ISL1: variants seen among roughly 807,000 people sequenced by gnomAD.
ISL1 encodes the protein insulin gene enhancer protein ISL-1.
A neutral mutation model predicts 35.3 loss-of-function variants in ISL1; 4 were observed. The observed-to-expected ratio is 0.11, with a 90% CI of 0.06 to 0.26. ISL1 has a LOEUF of 0.26. Among genes scored for constraint, ISL1 ranks in the 10% least tolerant of loss-of-function variants. The probability of loss-of-function intolerance (pLI) is 1.00; values close to 1 mark genes in which losing one functional copy is unlikely to be tolerated. For synonymous variants in ISL1, 186 were observed against 172.3 expected (o/e 1.08, Z -0.62); for missense variants, 340 against 472.8 (o/e 0.72, Z 2.60).
rs1209085343 is a variant in ISL1 at position 51,383,486 on chromosome 5, C to T, written c.-186C>T. The T allele has an allele frequency of 1.5e-6, 1 of 645,168 alleles. No homozygotes were observed. Among genetic ancestry groups the T allele is most frequent in the Non-Finnish European group, 2.8e-6 (1 of 357,460 alleles). The allele number at this position is 645,168 out of a possible 1,614,324, so 40.0% of individuals were successfully genotyped here. A position where few individuals can be genotyped will look rare whatever the true frequency, so the allele number is the denominator to read the frequency against. ...CCGCAGCGCCTCCGCTCCGCCAACT[C>T]CGCCGGCTTAAATTGGACTCCTAGA... On this transcript the variant is annotated 5_prime_UTR_variant, in exon 1 of 6. Coordinates refer to ENST00000230658, the MANE Select transcript of ISL1 (RefSeq NM_002202.3).
At chr5:51,391,541 G>C (rs1747515279) in intron 5 of ISL1, 100 bp downstream of exon 5, 4 of 1,395,980 alleles carry the variant, frequency 2.9e-6, no homozygotes, top group African/African-American at 2.8e-5. Context: ...GTGCCTTCTT[G>C]GGCTCAGGGT....
chr5:51,384,243 A>AG (rs60114688), intron 1 of ISL1, among the ~76,000 whole-genome samples: 10,281 of 115,894 alleles, frequency 0.089, 437 homozygotes, highest in African/African-American at 0.14. Flanking sequence ...GCAAAGAGGA[A>AG]GGGGGGGGGG....
At position 51,389,608 on chromosome 5, in the gene ISL1, C is replaced by A; in HGVS notation, c.479-38C>A. On this transcript the variant is annotated intron_variant, in intron 3 of 5. Coordinates refer to ENST00000230658, the MANE Select transcript of ISL1 (RefSeq NM_002202.3). This position sits in a 1 kb window ranked among gnomAD's most constrained non-coding sequence, Gnocchi z 5.0. ...GACCGCGGGCGGGCCGGCAAGCGAG[C>A]CTCCAGCCCAGCGCTCACGGCGCTC... is the stretch of plus-strand genomic sequence containing the variant. 1 of 1,514,752 alleles carries A rather than the reference C, an allele frequency of 6.6e-7. No individual in the cohort carries two copies. The highest frequency in any genetic ancestry group is 8.8e-7 in the Non-Finnish European group (1 of 1,135,188). 93.8% of individuals were successfully genotyped at this position (1,514,752 alleles called of 1,614,324 possible).
intron 2 of ISL1, chr5:51,386,601 A>T (rs1470252149): frequency 2.2e-6 from 1 of 456,110 alleles, no homozygotes; most frequent in Non-Finnish European, 4.4e-6. Context: ...TGCAGCCTAG[A>T]TGGAACCTAT....
At chr5:51,393,138 C>T (rs542462386) in intron 5 of ISL1, among the ~76,000 whole-genome samples, 1 of 152,158 alleles carries the variant, frequency 6.6e-6, no homozygotes, top group East Asian at 1.9e-4. Context: ...CTCACCTACT[C>T]CCAGGGCAAC....
chr5:51,388,707 C>T (rs1475293585), intron 3 of ISL1, among the ~76,000 whole-genome samples: 1 of 152,226 alleles, frequency 6.6e-6, no homozygotes, highest in Non-Finnish European at 1.5e-5. Context: ...CTATAGCCCT[C>T]CCTTACCCTT....
At chr5:51,384,246 G>GC (rs1459745993) in intron 1 of ISL1, among the ~76,000 whole-genome samples, 4 of 146,748 alleles carry the variant, frequency 2.7e-5, no homozygotes, top group Admixed American at 6.8e-5. Flanking sequence ...AAGAGGAAGG[G>GC]GGGGGGGAGA....
At chr5:51,385,421 T>C (rs565181704) in intron 2 of ISL1, among the ~76,000 whole-genome samples, 4 of 152,338 alleles carry the variant, frequency 2.6e-5, no homozygotes, top group Admixed American at 2.0e-4. Context: ...AAATTGCCCA[T>C]CATCTGTCTA....
rs375119815 is a variant in ISL1, at chr5:51,387,374, C to G, written c.219-116C>G. 8.2e-6 allele frequency: 9 copies of G among 1,096,048 alleles called. No individual in the cohort carries two copies. The highest frequency in any genetic ancestry group is 4.7e-5 in the African/African-American group (3 of 64,268). The allele number at this position is 1,096,048 out of a possible 1,614,324, so 67.9% of individuals were successfully genotyped here. A position where few individuals can be genotyped will look rare whatever the true frequency, so the allele number is the denominator to read the frequency against. On this transcript the variant is annotated intron_variant, in intron 2 of 5. Transcript: ENST00000230658. The surrounding 1 kb of genome is among the most constrained non-coding windows in gnomAD (Gnocchi z 4.3). ...AACTTCTGTTTGGAAATGCTGTTTACTTGGGGCGTCTTGCCCGGGATCTTG... is the reference window on the plus strand; with the variant it reads ...AACTTCTGTTTGGAAATGCTGTTTAGTTGGGGCGTCTTGCCCGGGATCTTG...
intron 5 of ISL1, among the ~76,000 whole-genome samples, chr5:51,392,550 G>C: frequency 6.6e-6 from 1 of 152,164 alleles, no homozygotes; most frequent in African/African-American, 2.4e-5. Flanking sequence ...TGGGTGCAGA[G>C]GCTAGAAGTC....
In ISL1 at chr5:51,387,150, A is replaced by C. The variant is rs1277656191; in HGVS notation, c.219-340A>C. ...GATTGATTGCTAGAGCAGCAGCCCGAGTTTGGAACCCATCAATACATTTTC... is the reference window on the plus strand; with the variant it reads ...GATTGATTGCTAGAGCAGCAGCCCGCGTTTGGAACCCATCAATACATTTTC... On this transcript the variant is annotated intron_variant, in intron 2 of 5. Transcript: ENST00000230658. This position sits in a 1 kb window ranked among gnomAD's most constrained non-coding sequence, Gnocchi z 4.3. Among the ~76,000 whole-genome samples, 1 of 152,044 alleles carries C rather than the reference A, an allele frequency of 6.6e-6. No homozygotes were observed. Among genetic ancestry groups the C allele is most frequent in the East Asian group, 1.9e-4 (1 of 5,158 alleles).
chr5:51,392,099 G>C (rs1291480696), intron 5 of ISL1, among the ~76,000 whole-genome samples: 3 of 152,142 alleles, frequency 2.0e-5, no homozygotes, highest in Non-Finnish European at 4.4e-5. Context: ...ATGTCATAGA[G>C]ACACACAGTG....
intron 3 of ISL1, among the ~76,000 whole-genome samples, chr5:51,388,462 C>T (rs1030039361): frequency 2.6e-5 from 4 of 152,066 alleles, no homozygotes; most frequent in African/African-American, 7.2e-5. Flanking sequence ...TCTAAATTGA[C>T]CCCATAGGTG....
rs57707586 is a variant in ISL1, at chr5:51,390,642, C to CTTTTTTTTTTTTTTTTTTTTTTTT, written c.766-617_766-594dup. 6.6e-3 allele frequency among the ~76,000 whole-genome samples: 264 copies of CTTTTTTTTTTTTTTTTTTTTTTTT among 40,104 alleles called. 30 individuals carry two copies. The highest frequency in any genetic ancestry group is 7.7e-3 in the African/African-American group (77 of 9,944). 26.3% of individuals were successfully genotyped at this position (40,104 alleles called of 152,430 possible). A position where few individuals can be genotyped will look rare whatever the true frequency, so the allele number is the denominator to read the frequency against. ...TCCTTTTTTTCTTTTCTTTCTTTTT[C>CTTTTTTTTTTTTTTTTTTTTTTTT]TTTTTTTTTTTTTTTTTTTTTTTTT... On this transcript the variant is annotated intron_variant, in intron 4 of 5. Coordinates refer to ENST00000230658, the MANE Select transcript of ISL1 (RefSeq NM_002202.3).
Position 51,387,783 on chromosome 5 carries a change from C to T in ISL1, c.478+34C>T. On this transcript the variant is annotated intron_variant, in intron 3 of 5. Transcript: ENST00000230658. The surrounding 1 kb of genome is among the most constrained non-coding windows in gnomAD (Gnocchi z 4.3). The stretch of plus-strand genomic sequence containing the variant: ...CTGCCCGGCTCGGGTAGGCAGGCGC[C>T]AGGTTAAGCCAGCCTGTGTGCCAGC... 1 of 1,610,476 alleles carries T rather than the reference C, an allele frequency of 6.2e-7. No individual in the cohort carries two copies. Among genetic ancestry groups the T allele is most frequent in the Non-Finnish European group, 8.5e-7 (1 of 1,179,132 alleles).
intron 4 of ISL1, among the ~76,000 whole-genome samples, chr5:51,390,737 G>C (rs879607311): frequency 2.2e-5 from 3 of 134,664 alleles, no homozygotes; most frequent in Non-Finnish European, 4.6e-5. Flanking sequence ...AACTTGGCAG[G>C]CTGGCCAAGA....
At chr5:51,385,758 A>C (rs1294195418) in intron 2 of ISL1, among the ~76,000 whole-genome samples, 1 of 152,164 alleles carries the variant, frequency 6.6e-6, no homozygotes, top group Non-Finnish European at 1.5e-5. Flanking sequence ...ATTATGTTAA[A>C]TAATAGCAAA....
At chr5:51,390,960 T>G (rs561907563) in intron 4 of ISL1, among the ~76,000 whole-genome samples, 1 of 151,868 alleles carries the variant, frequency 6.6e-6, no homozygotes, top group Non-Finnish European at 1.5e-5. Flanking sequence ...TCTGGGAAGC[T>G]ATGGTCTGAG....
In ISL1 at chr5:51,383,550, A is replaced by G; in HGVS notation, c.-122A>G. The stretch of plus-strand genomic sequence containing the variant: ...GGCGCAGCCGAGCAGCGGCTCTTTC[A>G]GCATTGGCAACCCCAGGGGCCAATA... On this transcript the variant is annotated 5_prime_UTR_variant, in exon 1 of 6. Transcript: ENST00000230658. 2.3e-6 allele frequency: 2 copies of G among 865,764 alleles called. No homozygotes were observed. The highest frequency in any genetic ancestry group is 2.4e-5 in the East Asian group (1 of 41,354). The allele number at this position is 865,764 out of a possible 1,614,324, so 53.6% of individuals were successfully genotyped here.
Sources: gnomAD v4.1 joint callset for allele counts (sites outside exome capture counted in the v4.1 genomes callset) on GRCh38, gnomAD v4.1.1 for gene constraint, Gnocchi (gnomAD v3.1) non-coding constraint, MANE v1.5 for transcripts, NCBI Gene and HGNC (gene_info 2026-07-23, HGNC 2026-07-21) for gene names.